Variants in SLC2A9 observed in about 807,000 individuals in gnomAD.
SLC2A9 encodes solute carrier family 2 member 9.
Under a neutral mutation model 50.6 loss-of-function variants are expected in SLC2A9, and 39 were observed. The observed-to-expected ratio is 0.77, with a 90% CI of 0.60 to 1.01. The LOEUF is 1.01. Among genes scored for constraint, SLC2A9 ranks in the 50% least tolerant of loss-of-function variants. The pLI is 0.00. For synonymous variants in SLC2A9, 324 were observed against 276.9 expected, an observed-to-expected ratio of 1.17 and a Z score of -1.69; for missense variants, 686 against 677.6, an observed-to-expected ratio of 1.01 and a Z score of -0.14.
intron 10 of SLC2A9, among the ~76,000 whole-genome samples, chr4:9,853,516 C>T (rs1179457701): frequency 6.6e-6 from 1 of 152,126 alleles, no homozygotes; most frequent in South Asian, 2.1e-4. Flanking sequence ...TTCTTAGAGA[C>T]CTACAAGGAG....
At chr4:10,020,731 T>C (rs1195149868) in intron 1 of SLC2A9, among the ~76,000 whole-genome samples, 1 of 152,208 alleles carries the variant, frequency 6.6e-6, no homozygotes. Context: ...CCAGCCCCGA[T>C]GACCTTAGAG....
At chr4:9,932,128 ACT>A (rs931520751) in intron 6 of SLC2A9, among the ~76,000 whole-genome samples, 1 of 147,656 alleles carries the variant, frequency 6.8e-6, no homozygotes, top group Non-Finnish European at 1.5e-5. Flanking sequence ...TAAAAATGGC[ACT>A]CTCTCTCTCT....
At chr4:9,948,646 T>C (rs1033806674) in intron 5 of SLC2A9, among the ~76,000 whole-genome samples, 4 of 152,126 alleles carry the variant, frequency 2.6e-5, no homozygotes, top group African/African-American at 9.7e-5. Context: ...AAAGTTCTGT[T>C]CCCCCACCTC....
chr4:9,956,645 T>C (rs768371480), intron 5 of SLC2A9, among the ~76,000 whole-genome samples: 5 of 152,198 alleles, frequency 3.3e-5, no homozygotes, highest in Admixed American at 6.5e-5. Flanking sequence ...ATTTATAATA[T>C]GAATGTCTCA....
chr4:10,000,258 C>T (rs887447781), intron 2 of SLC2A9, among the ~76,000 whole-genome samples: 7 of 152,194 alleles, frequency 4.6e-5, no homozygotes, highest in African/African-American at 7.2e-5. Flanking sequence ...ACTCATTCAA[C>T]AAACATGTGC....
At chr4:9,837,139 C>T (rs1727241585) in intron 10 of SLC2A9, among the ~76,000 whole-genome samples, 1 of 152,180 alleles carries the variant, frequency 6.6e-6, no homozygotes, top group Admixed American at 6.5e-5. Flanking sequence ...GCACTATCTC[C>T]ATTTGTCTGG....
In SLC2A9 at chr4:9,942,487, C is replaced by T. The variant is rs146967740; in HGVS notation, c.682-442G>A. On this transcript the variant is annotated intron_variant, in intron 5 of 11. Transcript: ENST00000264784. ...CCACCGCTAGATATCTAGACGCCCACGACATTCAACCATCTCTGTCTTCTC... is the reference window on the plus strand; with the variant it reads ...CCACCGCTAGATATCTAGACGCCCATGACATTCAACCATCTCTGTCTTCTC... Among the ~76,000 whole-genome samples, 419 of 152,302 alleles carry T rather than the reference C, an allele frequency of 2.8e-3. 5 individuals are homozygous for T. Among genetic ancestry groups the T allele is most frequent in the African/African-American group, 9.8e-3 (406 of 41,570 alleles).
At chr4:9,961,908 C>T (rs2108935248) in intron 5 of SLC2A9, among the ~76,000 whole-genome samples, 1 of 152,204 alleles carries the variant, frequency 6.6e-6, no homozygotes, top group Middle Eastern at 3.4e-3. Flanking sequence ...GGGCAAAGGA[C>T]ATGAACAGAC....
At chr4:9,963,733 G>C (rs1311263269) in intron 5 of SLC2A9, among the ~76,000 whole-genome samples, 4 of 152,224 alleles carry the variant, frequency 2.6e-5, no homozygotes, top group Non-Finnish European at 5.9e-5. Flanking sequence ...GCAGAGGCTG[G>C]GAGGTGGGAC....
intron 2 of SLC2A9, among the ~76,000 whole-genome samples, chr4:9,997,739 A>T (rs949499510): frequency 6.6e-6 from 1 of 151,008 alleles, no homozygotes; most frequent in Non-Finnish European, 1.5e-5. Context: ...CAAAAAAAAA[A>T]TAGGCAAAAA....
intron 1 of SLC2A9, among the ~76,000 whole-genome samples, chr4:10,031,071 G>T (rs1763929575): frequency 6.6e-6 from 1 of 152,174 alleles, no homozygotes; most frequent in African/African-American, 2.4e-5. Context: ...GATTCCATTT[G>T]TGTTACTGGT....
chr4:9,815,663 G>A (rs968043716), intron 3 of SLC2A9, among the ~76,000 whole-genome samples: 4 of 152,120 alleles, frequency 2.6e-5, no homozygotes, highest in African/African-American at 4.8e-5. Context: ...TGGTTCCTAT[G>A]ATGGACTAGA....
At chr4:9,846,149 G>A (rs1728956534) in intron 10 of SLC2A9, among the ~76,000 whole-genome samples, 1 of 152,230 alleles carries the variant, frequency 6.6e-6, no homozygotes, top group Admixed American at 6.5e-5. Flanking sequence ...GAATCCAAGA[G>A]ATCCGGACCC....
intron 2 of SLC2A9, among the ~76,000 whole-genome samples, chr4:10,006,133 T>G (rs1760739408): frequency 6.6e-6 from 1 of 152,200 alleles, no homozygotes; most frequent in Admixed American, 6.5e-5. Context: ...CATGAATCAC[T>G]TACCATTATC....
chr4:9,887,274 A>G (rs1736440425), intron 10 of SLC2A9, among the ~76,000 whole-genome samples: 1 of 152,218 alleles, frequency 6.6e-6, no homozygotes, highest in Non-Finnish European at 1.5e-5. Flanking sequence ...GATTCAACAC[A>G]AACCAGTGTC....
chr4:9,856,574 A>C (rs192304714), intron 10 of SLC2A9, among the ~76,000 whole-genome samples: 53 of 152,358 alleles, frequency 3.5e-4, no homozygotes, highest in African/African-American at 1.3e-3. Flanking sequence ...AAGAACTTAA[A>C]ACAGAAATAC....
intron 8 of SLC2A9, among the ~76,000 whole-genome samples, chr4:9,899,236 A>G (rs1739152663): frequency 1.3e-5 from 2 of 152,212 alleles, no homozygotes; most frequent in African/African-American, 2.4e-5. Context: ...CACATGAGCA[A>G]TTGGTGACTT....
At chr4:9,977,343 G>C (rs1191138452) in intron 5 of SLC2A9, among the ~76,000 whole-genome samples, 1 of 152,124 alleles carries the variant, frequency 6.6e-6, no homozygotes, top group Non-Finnish European at 1.5e-5. Flanking sequence ...ATCTGGATTT[G>C]TAATGTCTCT....
At chr4:10,005,642 T>C (rs1350275479) in intron 2 of SLC2A9, among the ~76,000 whole-genome samples, 1 of 152,210 alleles carries the variant, frequency 6.6e-6, no homozygotes, top group African/African-American at 2.4e-5. Context: ...TTACGGCTAG[T>C]ACTAACTACA....
Sources: gnomAD v4.1 joint callset for allele counts (sites outside exome capture counted in the v4.1 genomes callset) on GRCh38, gnomAD v4.1.1 for gene constraint, MANE v1.5 for transcripts, NCBI Gene and HGNC (gene_info 2026-07-23, HGNC 2026-07-21) for gene names.